The following SAMD5 variants were observed in gnomAD, a reference collection of about 807,000 sequenced individuals.
SAMD5 encodes the protein sterile alpha motif domain-containing protein 5.
In SAMD5, 13 loss-of-function variants were observed where a neutral mutation model predicts 11.3. That is an observed-to-expected ratio of 1.15 (90% CI 0.75 to 1.83). The LOEUF (loss-of-function observed/expected upper bound fraction) is 1.83. Ranked by LOEUF, SAMD5 falls within the 40% of genes most tolerant of loss-of-function variation. The pLI is 0.00. For synonymous variants in SAMD5, 129 were observed against 111.3 expected (o/e 1.16, Z -1.00); for missense variants, 255 against 239.1 (o/e 1.07, Z -0.44).
At chr6:147,741,770 C>A (rs963796774), downstream of SAMD5, 2 of 152,304 alleles carry the variant, frequency 1.3e-5, no homozygotes, top group East Asian at 1.9e-4. Context: ...TGTGTTACCA[C>A]GAAACACAAT....
chr6:147,539,819 T>A (rs636661), intron 1 of SAMD5, among the ~76,000 whole-genome samples: 1 of 152,132 alleles, frequency 6.6e-6, no homozygotes, highest in African/African-American at 2.4e-5. Flanking sequence ...ATCTATAGTT[T>A]GTTTATCCAC....
chr6:147,946,272 G>T, the SAMD5 span, among the ~76,000 whole-genome samples: 2 of 152,064 alleles, frequency 1.3e-5, no homozygotes, highest in African/African-American at 2.4e-5. Context: ...TTGATGTGTG[G>T]GTAGGCATCC....
At chr6:147,809,350 C>T in the SAMD5 span, among the ~76,000 whole-genome samples, 2 of 152,042 alleles carry the variant, frequency 1.3e-5, no homozygotes, top group Admixed American at 6.5e-5. Flanking sequence ...GTGACTCCAC[C>T]TCCTCCCCAG....
the SAMD5 span, among the ~76,000 whole-genome samples, chr6:147,804,244 A>G: frequency 2.6e-5 from 4 of 151,370 alleles, no homozygotes; most frequent in Non-Finnish European, 4.4e-5. Context: ...AGTAGCTGGG[A>G]CTACAGGTGC....
the SAMD5 span, among the ~76,000 whole-genome samples, chr6:147,764,948 T>C: frequency 6.6e-6 from 1 of 152,108 alleles, no homozygotes; most frequent in Admixed American, 6.6e-5. Context: ...CACTAAGTTT[T>C]CACAGAATAA....
the SAMD5 span, among the ~76,000 whole-genome samples, chr6:147,834,953 G>A: frequency 6.6e-6 from 1 of 152,176 alleles, no homozygotes; most frequent in Admixed American, 6.5e-5. Context: ...ATGAGGCTGG[G>A]TGTGGTGGCT....
chr6:147,529,523 T>C (rs1461661130), intron 1 of SAMD5, among the ~76,000 whole-genome samples: 1 of 152,196 alleles, frequency 6.6e-6, no homozygotes, highest in Non-Finnish European at 1.5e-5. Flanking sequence ...TTCCTTTGTG[T>C]TGCTAAGATA....
At chr6:147,635,600 C>T (rs1790218282) in intron 1 of SAMD5, among the ~76,000 whole-genome samples, 1 of 152,198 alleles carries the variant, frequency 6.6e-6, no homozygotes, top group Admixed American at 6.5e-5. Flanking sequence ...CTTCCACTCC[C>T]ATTGTGGGTG....
At chr6:147,826,024 A>G in the SAMD5 span, among the ~76,000 whole-genome samples, 3 of 152,164 alleles carry the variant, frequency 2.0e-5, no homozygotes, top group Non-Finnish European at 4.4e-5. Flanking sequence ...TACCATGGGA[A>G]CCTGATTTCA....
At chr6:147,883,050 G>T in the SAMD5 span, among the ~76,000 whole-genome samples, 2 of 152,196 alleles carry the variant, frequency 1.3e-5, no homozygotes, top group Non-Finnish European at 2.9e-5. Flanking sequence ...AGAAGCAATT[G>T]CTTCCGAGGG....
intron 1 of SAMD5, among the ~76,000 whole-genome samples, chr6:147,607,937 G>T (rs1488970294): frequency 6.6e-6 from 1 of 151,966 alleles, no homozygotes; most frequent in Non-Finnish European, 1.5e-5. Context: ...CAACTCTGTA[G>T]GAAAAAAAAT....
In SAMD5 at chr6:147,569,757, G is replaced by A. The variant is rs752782066; in HGVS notation, c.*5301G>A. On this transcript the variant is annotated 3_prime_UTR_variant, in exon 2 of 2. Coordinates refer to ENST00000367474, the MANE Select transcript of SAMD5 (RefSeq NM_001030060.3). ...CTGCCCCTACAGAAGTGTGTGCATG[G>A]GCCTTGGAAAATCTACATGTGTATA... The A allele has an allele frequency of 4.1e-5, 40 of 985,288 alleles. No individual in the cohort carries two copies. The highest frequency in any genetic ancestry group is 1.2e-4 in the Admixed American group (2 of 16,268). 61.0% of individuals were successfully genotyped at this position (985,288 alleles called of 1,614,324 possible). A position where few individuals can be genotyped will look rare whatever the true frequency, so the allele number is the denominator to read the frequency against.
chr6:147,832,967 A>G, the SAMD5 span, among the ~76,000 whole-genome samples: 64,688 of 152,110 alleles, frequency 0.43, 15,798 homozygotes, highest in African/African-American at 0.68. Flanking sequence ...TTCCTTTATG[A>G]AAATAAGATA....
chr6:147,540,618 T>C (rs1335583298), intron 1 of SAMD5, among the ~76,000 whole-genome samples: 1 of 152,178 alleles, frequency 6.6e-6, no homozygotes, highest in Admixed American at 6.5e-5. Context: ...CCTGTGATAC[T>C]CCTTTCTCCA....
chr6:147,612,202 C>T (rs1167061895), intron 1 of SAMD5, among the ~76,000 whole-genome samples: 1 of 152,078 alleles, frequency 6.6e-6, no homozygotes, highest in African/African-American at 2.4e-5. Context: ...GGGGAGGTCA[C>T]GTGGTTTCCA....
At chr6:147,709,076 G>A (rs1051446607) in intron 1 of SAMD5, among the ~76,000 whole-genome samples, 2 of 152,110 alleles carry the variant, frequency 1.3e-5, no homozygotes, top group Non-Finnish European at 2.9e-5. Flanking sequence ...TTAAATATCA[G>A]CTTTACATGC....
chr6:147,588,702 A>C (rs2128447010), intron 1 of SAMD5, among the ~76,000 whole-genome samples: 1 of 152,232 alleles, frequency 6.6e-6, no homozygotes, highest in Middle Eastern at 3.4e-3. Flanking sequence ...ATTTTGAAAT[A>C]GCTTTTGGAA....
chr6:147,830,950 A>G, the SAMD5 span, among the ~76,000 whole-genome samples: 2 of 152,218 alleles, frequency 1.3e-5, no homozygotes, highest in Non-Finnish European at 2.9e-5. Context: ...AATGGAATAT[A>G]CAGTCTGTGT....
intron 1 of SAMD5, among the ~76,000 whole-genome samples, chr6:147,652,569 T>C (rs1231313363): frequency 1.3e-5 from 2 of 152,228 alleles, no homozygotes; most frequent in South Asian, 2.1e-4. Context: ...GCAGCAGTAG[T>C]AGGGGAGGCA....
Sources: allele counts gnomAD v4.1 joint callset (sites outside exome capture counted in the v4.1 genomes callset), GRCh38; gene constraint gnomAD v4.1.1; transcripts MANE v1.5; gene names NCBI Gene and HGNC (gene_info 2026-07-23, HGNC 2026-07-21).